The following PHF14 variants were observed in gnomAD, a reference collection of about 807,000 sequenced individuals.
PHF14 encodes PHD finger protein 14.
PHF14 carries 55 observed loss-of-function variants against 117.9 expected under a neutral mutation model. That is an observed-to-expected ratio of 0.47 (90% CI 0.38 to 0.58). PHF14 has a LOEUF of 0.58. Among genes scored for constraint, PHF14 ranks in the 20% least tolerant of loss-of-function variants. PHF14 has a pLI of 0.00. For synonymous variants in PHF14, 409 were observed against 368.6 expected (o/e 1.11, Z -1.26); for missense variants, 978 against 1,122.2 (o/e 0.87, Z 1.84).
chr7:11,062,571 C>T (rs946760764), intron 16 of PHF14: 3 of 387,904 alleles, frequency 7.7e-6, no homozygotes, highest in African/African-American at 4.4e-5. Context: ...TTCTCCCTTA[C>T]GAAATAAAGA....
chr7:11,134,764 A>G (rs867205750), intron 17 of PHF14, among the ~76,000 whole-genome samples: 1 of 152,106 alleles, frequency 6.6e-6, no homozygotes, highest in Admixed American at 6.6e-5. Flanking sequence ...TCAGTACTTA[A>G]AAACAAGTTT....
intron 16 of PHF14, among the ~76,000 whole-genome samples, chr7:11,101,924 C>A (rs1441824690): frequency 6.6e-6 from 1 of 151,674 alleles, no homozygotes; most frequent in Non-Finnish European, 1.5e-5. Context: ...ATAATTGTAA[C>A]CAAACATATT....
chr7:11,006,177 C>G (rs1280329638), intron 4 of PHF14, among the ~76,000 whole-genome samples: 2 of 152,174 alleles, frequency 1.3e-5, no homozygotes, highest in East Asian at 3.9e-4. Flanking sequence ...GCACAAACTA[C>G]TTGATAACAT....
chr7:11,027,258 T>A (rs1426243249), intron 6 of PHF14, among the ~76,000 whole-genome samples: 1 of 152,196 alleles, frequency 6.6e-6, no homozygotes, highest in Non-Finnish European at 1.5e-5. Context: ...TTTAGATTGC[T>A]ATTTGCCAGT....
chr7:11,154,432 A>C (rs1436805241), intron 17 of PHF14, among the ~76,000 whole-genome samples: 1 of 152,202 alleles, frequency 6.6e-6, no homozygotes, highest in Non-Finnish European at 1.5e-5. Flanking sequence ...TATTTGTAAG[A>C]ATATGGCCTG....
intron 16 of PHF14, among the ~76,000 whole-genome samples, chr7:11,067,232 A>T (rs936931655): frequency 2.0e-5 from 3 of 152,216 alleles, no homozygotes; most frequent in African/African-American, 7.2e-5. Flanking sequence ...ATCATTCAGG[A>T]AGAGTAAATC....
intron 2 of PHF14, among the ~76,000 whole-genome samples, 184 bp downstream of exon 2, chr7:10,975,129 G>T (rs1032122955): frequency 3.9e-5 from 6 of 152,148 alleles, no homozygotes; most frequent in African/African-American, 1.4e-4. Flanking sequence ...AATTGCTTCT[G>T]TTTTCCTCAG....
intron 17 of PHF14, among the ~76,000 whole-genome samples, chr7:11,134,986 CT>C (rs1449371908): frequency 6.6e-6 from 1 of 152,050 alleles, no homozygotes; most frequent in Non-Finnish European, 1.5e-5. Context: ...TGAAACCCAC[CT>C]TTTTCTTCAC....
At chr7:11,040,218 G>A (rs1784455157) in intron 11 of PHF14, among the ~76,000 whole-genome samples, 1 of 152,020 alleles carries the variant, frequency 6.6e-6, no homozygotes, top group Non-Finnish European at 1.5e-5. Context: ...GCATACTACA[G>A]ATTAGTAGAA....
Position 11,061,795 on chromosome 7 carries a change from C to A in PHF14, c.2486C>A (p.Thr829Asn), listed in dbSNP as rs1785233110. ...PKKIPIRNTR[T>N]RGRKRSFVPE... ...TTTTTTTTTGTTTTTTTCCAGAGAA[C>A]CAGAGGACGAAAACGAAGCTTCGTT... is the stretch of plus-strand genomic sequence containing the variant. Residue 829 changes from threonine to asparagine, a missense_variant, in exon 15 of 18, where the codon ACC becomes AAC. Transcript: ENST00000634607. 4 of 1,495,760 alleles carry A rather than the reference C, an allele frequency of 2.7e-6. No homozygotes were observed. Among genetic ancestry groups the A allele is most frequent in the South Asian group, 1.4e-5 (1 of 72,916 alleles). 92.7% of individuals were successfully genotyped at this position (1,495,760 alleles called of 1,614,324 possible).
At chr7:10,994,909 C>T (rs971607523) in intron 4 of PHF14, among the ~76,000 whole-genome samples, 48 of 152,176 alleles carry the variant, frequency 3.2e-4, no homozygotes, top group African/African-American at 1.0e-3. Context: ...GAAGGGGACC[C>T]GAGCGGGTTG....
At chr7:11,069,763 T>C (rs1300294420) in intron 16 of PHF14, among the ~76,000 whole-genome samples, 1 of 150,418 alleles carries the variant, frequency 6.6e-6, no homozygotes, top group African/African-American at 2.4e-5. Context: ...CTCAAACTCC[T>C]GGGCTTAAGT....
At chr7:11,147,671 T>G (rs952260678) in intron 17 of PHF14, among the ~76,000 whole-genome samples, 2 of 152,340 alleles carry the variant, frequency 1.3e-5, no homozygotes, top group Non-Finnish European at 2.9e-5. Flanking sequence ...TGGCAGACCC[T>G]TCTCAGTCTT....
At chr7:11,099,070 T>C (rs959401164) in intron 16 of PHF14, among the ~76,000 whole-genome samples, 17 of 152,158 alleles carry the variant, frequency 1.1e-4, no homozygotes, top group African/African-American at 4.1e-4. Flanking sequence ...AATATTCATA[T>C]TTGGATAATG....
At chr7:11,089,488 C>G (rs1342967949) in intron 16 of PHF14, among the ~76,000 whole-genome samples, 2 of 151,904 alleles carry the variant, frequency 1.3e-5, no homozygotes, top group African/African-American at 4.8e-5. Context: ...CCCAGGAGTT[C>G]AAGACCTGCC....
At chr7:11,106,924 A>T in intron 16 of PHF14, 2 of 983,998 alleles carry the variant, frequency 2.0e-6, no homozygotes, top group Non-Finnish European at 2.4e-6. Flanking sequence ...TTCCATTGGC[A>T]TAAAAGATAA....
In PHF14 at chr7:10,974,195, G is replaced by T; in HGVS notation, c.-129G>T. 3 of 808,188 alleles carry T rather than the reference G, an allele frequency of 3.7e-6. No individual in the cohort carries two copies. The highest frequency in any genetic ancestry group is 6.2e-6 in the Non-Finnish European group (3 of 486,584). The allele number at this position is 808,188 out of a possible 1,614,324, so 50.1% of individuals were successfully genotyped here. ...TCTTGGGAGCGCCCCTGTCCGGCTG[G>T]CTGCGCGCCGGTTTTAAATAGCATC... On this transcript the variant is annotated 5_prime_UTR_variant, in exon 1 of 18. Coordinates refer to ENST00000634607, the MANE Select transcript of PHF14 (RefSeq NM_001007157.2).
chr7:11,038,727 T>C (rs1239591455), intron 10 of PHF14, 33 bp from the exon 11 acceptor site: 1 of 861,890 alleles, frequency 1.2e-6, no homozygotes, highest in South Asian at 1.8e-5. Flanking sequence ...TCAGATATTT[T>C]AATGAAGTTT....
At chr7:11,120,094 T>C (rs1485051791) in intron 17 of PHF14, among the ~76,000 whole-genome samples, 1 of 151,998 alleles carries the variant, frequency 6.6e-6, no homozygotes, top group Non-Finnish European at 1.5e-5. Flanking sequence ...GTTCTTATAA[T>C]TGGATGCGTC....
Sources: gnomAD v4.1 joint callset for allele counts (sites outside exome capture counted in the v4.1 genomes callset) on GRCh38, gnomAD v4.1.1 for gene constraint, MANE v1.5 for transcripts, NCBI Gene and HGNC (gene_info 2026-07-23, HGNC 2026-07-21) for gene names.